HIVEP3: variants seen among roughly 807,000 people sequenced by gnomAD.
The protein encoded by HIVEP3 is HIVEP zinc finger 3.
Under a neutral mutation model 152.8 loss-of-function variants are expected in HIVEP3, and 49 were observed. The observed-to-expected ratio is 0.32, with a 90% CI of 0.26 to 0.41. The LOEUF (loss-of-function observed/expected upper bound fraction) is 0.41. HIVEP3 is among the 10% of genes least tolerant of loss of function. The pLI is 1.00. For synonymous variants in HIVEP3, 1,269 were observed against 1,289.0 expected (o/e 0.98, Z 0.33); for missense variants, 2,790 against 3,103.3 (o/e 0.90, Z 2.40).
chr1:41,651,274 G>A (rs1382842560), intron 2 of HIVEP3, among the ~76,000 whole-genome samples: 1 of 152,078 alleles, frequency 6.6e-6, no homozygotes, highest in Admixed American at 6.6e-5. Flanking sequence ...AGCTGGGCAT[G>A]GTGGCACACG....
At chr1:41,824,770 T>TAGAGAGAGAG in intron 1 of HIVEP3, among the ~76,000 whole-genome samples, 1 of 18,232 alleles carries the variant, frequency 5.5e-5, no homozygotes, top group Admixed American at 8.6e-4. Context: ...TATATATATA[T>TAGAGAGAGAG]ATATATATAT....
chr1:41,836,854 G>A (rs1009386450), intron 1 of HIVEP3, among the ~76,000 whole-genome samples: 27 of 152,128 alleles, frequency 1.8e-4, no homozygotes, highest in African/African-American at 6.3e-4. Flanking sequence ...CCATCCCATT[G>A]CCAAAACTCA....
At chr1:41,737,442 A>C (rs1011341967) in intron 1 of HIVEP3, among the ~76,000 whole-genome samples, 2 of 151,644 alleles carry the variant, frequency 1.3e-5, no homozygotes, top group Non-Finnish European at 2.9e-5. Flanking sequence ...AGGGTCCCTG[A>C]CTCTCCAAGA....
At chr1:41,757,987 C>T (rs2124238497) in intron 1 of HIVEP3, among the ~76,000 whole-genome samples, 1 of 152,358 alleles carries the variant, frequency 6.6e-6, no homozygotes, top group South Asian at 2.1e-4. Context: ...GCTGAGATTA[C>T]AGGTGTGAGC....
intron 2 of HIVEP3, among the ~76,000 whole-genome samples, chr1:41,634,484 G>A (rs893633278): frequency 2.6e-5 from 4 of 151,782 alleles, no homozygotes; most frequent in African/African-American, 9.7e-5. Flanking sequence ...AAGAAAAAGT[G>A]TAATAAACAA....
At chr1:41,907,558 C>A (rs374335134) in intron 1 of HIVEP3, among the ~76,000 whole-genome samples, 5 of 152,166 alleles carry the variant, frequency 3.3e-5, no homozygotes, top group African/African-American at 9.7e-5. Context: ...GGGAAAAGAA[C>A]GTGAGACTGG....
At chr1:41,575,829 C>T (rs1023849152) in intron 4 of HIVEP3, 140 bp from the exon 5 acceptor site, 4 of 889,112 alleles carry the variant, frequency 4.5e-6, no homozygotes, top group South Asian at 1.8e-5. Context: ...TGAAGAGGTG[C>T]TATTAGCTCC....
rs533222508 is a variant in HIVEP3 at position 41,518,128 on chromosome 1, C to T, written c.5470+274G>A. Among the ~76,000 whole-genome samples the T allele has an allele frequency of 2.2e-4, 33 of 152,212 alleles. 1 individual carries two copies. Among genetic ancestry groups the T allele is most frequent in the African/African-American group, 6.3e-4 (26 of 41,446 alleles). ...TCACTGAGCACCCATGGGTGCCAGG[C>T]GCTCCACCTGCATGGCAGATGGTAA... On this transcript the variant is annotated intron_variant, in intron 7 of 8. Coordinates refer to ENST00000372583, the MANE Select transcript of HIVEP3 (RefSeq NM_024503.5).
intron 1 of HIVEP3, among the ~76,000 whole-genome samples, chr1:41,729,075 A>G (rs992763314): frequency 1.3e-5 from 2 of 152,290 alleles, no homozygotes; most frequent in South Asian, 2.1e-4. Context: ...GCTTCCCCCA[A>G]CACACAGCCA....
At chr1:41,937,869 A>G (rs948416144) in intron 1 of HIVEP3, among the ~76,000 whole-genome samples, 1 of 152,214 alleles carries the variant, frequency 6.6e-6, no homozygotes, top group African/African-American at 2.4e-5. Flanking sequence ...TCAAGACTGA[A>G]CAACCAATCA....
intron 1 of HIVEP3, among the ~76,000 whole-genome samples, chr1:41,851,842 A>G (rs940481774): frequency 1.5e-4 from 23 of 152,154 alleles, no homozygotes; most frequent in African/African-American, 5.6e-4. Context: ...CATGCTGGTG[A>G]GTCAGGTCTT....
At chr1:42,002,498 T>A (rs898622588) in intron 1 of HIVEP3, among the ~76,000 whole-genome samples, 7 of 152,240 alleles carry the variant, frequency 4.6e-5, no homozygotes, top group African/African-American at 1.4e-4. Flanking sequence ...GGACTGGCTC[T>A]GACAGAGATC....
intron 1 of HIVEP3, among the ~76,000 whole-genome samples, chr1:42,026,110 C>G (rs1645580798): frequency 6.6e-6 from 1 of 151,994 alleles, no homozygotes; most frequent in African/African-American, 2.4e-5. Flanking sequence ...GCTTGTCGGT[C>G]ACGATAACTT....
chr1:41,528,275 C>G (rs1264922964), intron 5 of HIVEP3, among the ~76,000 whole-genome samples: 1 of 132,900 alleles, frequency 7.5e-6, no homozygotes, highest in Non-Finnish European at 1.6e-5. Context: ...CTCACACACC[C>G]TCACATACAC....
intron 3 of HIVEP3, among the ~76,000 whole-genome samples, chr1:41,586,784 C>T (rs1644512401): frequency 6.6e-6 from 1 of 152,120 alleles, no homozygotes; most frequent in Admixed American, 6.5e-5. Context: ...AGCATATCCT[C>T]TAAGTTCACT....
chr1:41,724,449 A>G (rs1206169047), intron 1 of HIVEP3, among the ~76,000 whole-genome samples: 1 of 152,252 alleles, frequency 6.6e-6, no homozygotes, highest in Non-Finnish European at 1.5e-5. Flanking sequence ...TAAAGTGAAC[A>G]GAAACGTCCA....
At chr1:41,688,624 A>C (rs1646148058) in intron 2 of HIVEP3, among the ~76,000 whole-genome samples, 1 of 152,234 alleles carries the variant, frequency 6.6e-6, no homozygotes. Context: ...TCTACACTGT[A>C]ACATAGGGAG....
chr1:41,700,902 T>C lies in HIVEP3; in HGVS notation c.-721+14A>G, dbSNP rs181215226. On this transcript the variant is annotated intron_variant, in intron 2 of 8. Transcript: ENST00000372583. Reference sequence around the variant, plus strand: ...AAACTGCCCTGTGTCCTGTGGGGGATGGGGAGGGCTCACCTGCCAAAAACC... The same window carrying C: ...AAACTGCCCTGTGTCCTGTGGGGGACGGGGAGGGCTCACCTGCCAAAAACC... 74 of 975,594 alleles carry C rather than the reference T, an allele frequency of 7.6e-5. No individual in the cohort carries two copies. The highest frequency in any genetic ancestry group is 8.8e-5 in the Non-Finnish European group (72 of 821,154). The allele number at this position is 975,594 out of a possible 1,614,324, so 60.4% of individuals were successfully genotyped here.
chr1:41,887,935 T>G (rs1164580573), intron 1 of HIVEP3, among the ~76,000 whole-genome samples: 2 of 152,126 alleles, frequency 1.3e-5, no homozygotes, highest in Non-Finnish European at 2.9e-5. Flanking sequence ...TTTTAAATAC[T>G]TAATAGCCAC....
Sources: gnomAD v4.1 joint callset for allele counts (sites outside exome capture counted in the v4.1 genomes callset) on GRCh38, gnomAD v4.1.1 for gene constraint, MANE v1.5 for transcripts, NCBI Gene and HGNC (gene_info 2026-07-23, HGNC 2026-07-21) for gene names.